The following STXBP4 variants were observed in gnomAD, a reference collection of about 807,000 sequenced individuals.
The protein encoded by STXBP4 is syntaxin binding protein 4, also known as syntaxin-binding protein 4.
STXBP4 carries 55 observed loss-of-function variants against 76.1 expected under a neutral mutation model. The observed-to-expected ratio is 0.72, with a 90% CI of 0.58 to 0.91. STXBP4 has a LOEUF of 0.91. STXBP4 is among the 40% of genes least tolerant of loss of function. The pLI, the probability that STXBP4 is intolerant of heterozygous loss-of-function variation, is 0.00. For synonymous variants in STXBP4, 201 were observed against 220.2 expected, an observed-to-expected ratio of 0.91 and a Z score of 0.77; for missense variants, 618 against 636.9, an observed-to-expected ratio of 0.97 and a Z score of 0.32.
At chr17:55,189,534 G>T in the STXBP4 span, among the ~76,000 whole-genome samples, 1 of 152,172 alleles carries the variant, frequency 6.6e-6, no homozygotes, top group Non-Finnish European at 1.5e-5. Flanking sequence ...GCCCATCACT[G>T]CCCTAGATCT....
the STXBP4 span, among the ~76,000 whole-genome samples, chr17:55,188,103 A>G: frequency 6.6e-6 from 1 of 152,214 alleles, no homozygotes; most frequent in African/African-American, 2.4e-5. Flanking sequence ...ATCACTAGAT[A>G]CTGCCTCTCC....
At chr17:55,050,770 C>A (rs1161262919) in intron 12 of STXBP4, among the ~76,000 whole-genome samples, 2 of 152,140 alleles carry the variant, frequency 1.3e-5, no homozygotes, top group Non-Finnish European at 2.9e-5. Flanking sequence ...CGGGTACAAG[C>A]GATTCTCCTG....
intron 8 of STXBP4, among the ~76,000 whole-genome samples, chr17:55,013,781 T>C (rs1366080295): frequency 6.6e-6 from 1 of 152,154 alleles, no homozygotes; most frequent in Non-Finnish European, 1.5e-5. Context: ...CCTGGCCAAA[T>C]AGATGGGGGC....
At chr17:54,985,142 A>C (rs2077608876) in intron 1 of STXBP4, among the ~76,000 whole-genome samples, 1 of 152,230 alleles carries the variant, frequency 6.6e-6, no homozygotes, top group Non-Finnish European at 1.5e-5. Flanking sequence ...GCAGATATTT[A>C]AAGTGAGACA....
intron 8 of STXBP4, among the ~76,000 whole-genome samples, chr17:55,023,916 C>CAAAAA (rs61454264): frequency 1.3e-4 from 8 of 62,232 alleles, no homozygotes; most frequent in East Asian, 4.8e-4. Context: ...GGCCCTTTTC[C>CAAAAA]AAAAAAAAAA....
At chr17:55,181,669 G>A in the STXBP4 span, among the ~76,000 whole-genome samples, 1 of 152,082 alleles carries the variant, frequency 6.6e-6, no homozygotes, top group South Asian at 2.1e-4. Flanking sequence ...AAAAATAATC[G>A]CTAAAGTCAT....
chr17:55,069,215 T>G (rs965859605), intron 12 of STXBP4, among the ~76,000 whole-genome samples: 4 of 151,976 alleles, frequency 2.6e-5, no homozygotes, highest in Non-Finnish European at 1.5e-5. Flanking sequence ...TCCCTTCTAG[T>G]ATGTTTGCTC....
chr17:55,025,411 A>G (rs1228706007), intron 8 of STXBP4, among the ~76,000 whole-genome samples: 1 of 152,184 alleles, frequency 6.6e-6, no homozygotes, highest in South Asian at 2.1e-4. Flanking sequence ...CCATCTATTT[A>G]TTTCAGGAAT....
At chr17:55,185,890 G>A in the STXBP4 span, among the ~76,000 whole-genome samples, 3 of 152,308 alleles carry the variant, frequency 2.0e-5, no homozygotes, top group African/African-American at 7.2e-5. Flanking sequence ...TTAAAGGCAC[G>A]GAGAAAGGAG....
At chr17:55,074,581 T>C (rs1371809778) in intron 13 of STXBP4, among the ~76,000 whole-genome samples, 1 of 152,192 alleles carries the variant, frequency 6.6e-6, no homozygotes, top group Admixed American at 6.5e-5. Flanking sequence ...TTAAATGATA[T>C]AACTTTCAAG....
intron 6 of STXBP4, 63 bp downstream of exon 6, chr17:54,999,905 C>T (rs778038872): frequency 3.7e-6 from 4 of 1,094,882 alleles, no homozygotes; most frequent in Non-Finnish European, 5.4e-6. Context: ...TACATTTTTA[C>T]ATTGGTTATG....
At chr17:55,212,804 C>T in the STXBP4 span, among the ~76,000 whole-genome samples, 1 of 151,532 alleles carries the variant, frequency 6.6e-6, no homozygotes, top group African/African-American at 2.4e-5. Context: ...TCCTCTTGAG[C>T]ATCTATCAGG....
intron 16 of STXBP4, among the ~76,000 whole-genome samples, chr17:55,090,855 CTGTGTGTGTGTGTGTGTGTG>C (rs57750914): frequency 3.4e-5 from 5 of 147,308 alleles, no homozygotes; most frequent in Non-Finnish European, 6.0e-5. Context: ...GTGTGTGTGT[CTGTGTGTGTGTGTGTGTGTG>C]TGTGTGTGTG....
chr17:55,158,523 G>A (rs1419266784), intron 17 of STXBP4, among the ~76,000 whole-genome samples: 1 of 152,214 alleles, frequency 6.6e-6, no homozygotes, highest in East Asian at 1.9e-4. Context: ...CCAGAGTTGG[G>A]AAGATGGTGG....
chr17:55,176,788 G>A (rs1195114192), downstream of STXBP4, among the ~76,000 whole-genome samples: 1 of 152,110 alleles, frequency 6.6e-6, no homozygotes, highest in Non-Finnish European at 1.5e-5. Context: ...ATCCACTGAG[G>A]GCTTGAACAG....
At chr17:55,101,314 A>T (rs2079561957) in intron 16 of STXBP4, among the ~76,000 whole-genome samples, 1 of 151,956 alleles carries the variant, frequency 6.6e-6, no homozygotes, top group Non-Finnish European at 1.5e-5. Context: ...AGAGATAAAC[A>T]CCCTCCCTAC....
intron 1 of STXBP4, among the ~76,000 whole-genome samples, chr17:54,984,604 A>G (rs763591881): frequency 6.6e-6 from 1 of 151,752 alleles, no homozygotes; most frequent in Non-Finnish European, 1.5e-5. Context: ...CGGCCACCCA[A>G]AGTACTAGGA....
chr17:55,066,805 G>A (rs562803186), intron 12 of STXBP4, among the ~76,000 whole-genome samples: 1 of 152,182 alleles, frequency 6.6e-6, no homozygotes, highest in South Asian at 2.1e-4. Context: ...AGATCACCTT[G>A]AACCTGGGAG....
At chr17:55,137,365 T>C (rs1416471199) in intron 16 of STXBP4, among the ~76,000 whole-genome samples, 7 of 150,424 alleles carry the variant, frequency 4.7e-5, no homozygotes, top group Non-Finnish European at 1.0e-4. Flanking sequence ...TGTAACAATT[T>C]TGTAACACTA....
Sources: allele counts gnomAD v4.1 joint callset (sites outside exome capture counted in the v4.1 genomes callset), GRCh38; gene constraint gnomAD v4.1.1; transcripts MANE v1.5; gene names NCBI Gene and HGNC (gene_info 2026-07-23, HGNC 2026-07-21).